The following RGSL1 variants were observed in gnomAD, a reference collection of about 807,000 sequenced individuals.
The protein encoded by RGSL1 is regulator of G protein signaling like 1, also known as regulator of G protein signaling protein-like.
In RGSL1, 97 loss-of-function variants were observed where a neutral mutation model predicts 124.7. The ratio of observed to expected loss-of-function variants is 0.78; its 90% confidence interval spans 0.66 to 0.92. The LOEUF (loss-of-function observed/expected upper bound fraction) is 0.92, where lower values mean the gene tolerates loss of function less well. Among genes scored for constraint, RGSL1 ranks in the 40% least tolerant of loss-of-function variants. The pLI is 0.00. For synonymous variants in RGSL1, 424 were observed against 438.1 expected (o/e 0.97, Z 0.40); for missense variants, 1,233 against 1,288.4 (o/e 0.96, Z 0.66).
At chr1:182,453,903 C>A (rs1440457327) in intron 1 of RGSL1, 55 bp from the exon 2 acceptor site, 3 of 950,668 alleles carry the variant, frequency 3.2e-6, no homozygotes, top group East Asian at 5.2e-5. Flanking sequence ...ATTTTCTGAA[C>A]CTGAATGCAA....
intron 9 of RGSL1, chr1:182,507,074 C>G (rs907145243): frequency 6.6e-6 from 1 of 151,424 alleles, no homozygotes; most frequent in Non-Finnish European, 1.5e-5. Context: ...ACCGCAAACT[C>G]CACCTCCCGG....
At position 182,473,838 on chromosome 1, in the gene RGSL1, C is replaced by A; in HGVS notation, c.727C>A (p.Gln243Lys). Residue 243 changes from glutamine to lysine, a missense_variant, in exon 6 of 22, where the codon CAG becomes AAG. Physicochemically the swap from Gln to Lys is moderately conservative, Grantham distance 53. Coordinates refer to ENST00000294854, the MANE Select transcript of RGSL1 (RefSeq NM_001137669.2). ...NMSIKKCHHF[Q>K]KRYSSRKAKR... ...GAGCATCAAGAAGTGCCACCACTTT[C>A]AGAAACGGTACTCAAGCAGGAAAGC... 1 of 1,551,732 alleles carries A rather than the reference C, an allele frequency of 6.4e-7. No homozygotes were observed. The highest frequency in any genetic ancestry group is 1.2e-5 in the South Asian group (1 of 84,064).
chr1:182,524,886 C>A (rs1658627307), intron 10 of RGSL1, among the ~76,000 whole-genome samples: 1 of 152,118 alleles, frequency 6.6e-6, no homozygotes, highest in Admixed American at 6.6e-5. Flanking sequence ...AAGATATTCC[C>A]AAGGGACTGT....
chr1:182,460,192 A>G, intron 4 of RGSL1, 59 bp downstream of exon 4: 2 of 1,491,136 alleles, frequency 1.3e-6, no homozygotes, highest in Non-Finnish European at 1.8e-6. Flanking sequence ...GTGTAGAAAT[A>G]TAGGAAGTCA....
At chr1:182,548,517 A>G in intron 16 of RGSL1, 62 bp downstream of exon 16, 3 of 1,543,160 alleles carry the variant, frequency 1.9e-6, no homozygotes, top group African/African-American at 1.4e-5. Flanking sequence ...CACAAGGACA[A>G]TTAGAAAGCT....
intron 19 of RGSL1, 135 bp downstream of exon 19, chr1:182,553,676 ACATAGCTT>A (rs1434575788): frequency 2.7e-6 from 2 of 734,054 alleles, no homozygotes; most frequent in East Asian, 5.6e-5. Context: ...GCTGAAGATC[ACATAGCTT>A]GTGAGTGGCA....
At chr1:182,477,885 G>A (rs755699793) in intron 6 of RGSL1, among the ~76,000 whole-genome samples, 2 of 152,046 alleles carry the variant, frequency 1.3e-5, no homozygotes, top group South Asian at 4.1e-4. Flanking sequence ...TCCGTCAAGC[G>A]TACACACACC....
chr1:182,526,668 C>T (rs1320129110), intron 10 of RGSL1, among the ~76,000 whole-genome samples: 1 of 151,934 alleles, frequency 6.6e-6, no homozygotes, highest in Non-Finnish European at 1.5e-5. Flanking sequence ...TGGAATTTAT[C>T]CTAGGAATAC....
chr1:182,530,817 A>G lies in RGSL1; in HGVS notation c.2271A>G (p.Pro757=). Residue 757 remains proline (P), a synonymous_variant, in exon 13 of 22, where the codon CCA becomes CCG. Transcript: ENST00000294854. The part of the protein sequence containing the change: ...KWFKDYQDLF[P]PHHQEVEVQS... ...TTAAAGATTATCAAGACCTGTTCCC[A>G]CCTCACCATCAGGAGGTGGAAGTGC... The G allele has an allele frequency of 6.5e-7, 1 of 1,549,768 alleles. No homozygotes were observed. The highest frequency in any genetic ancestry group is 8.7e-7 in the Non-Finnish European group (1 of 1,146,036).
intron 15 of RGSL1, among the ~76,000 whole-genome samples, chr1:182,548,025 C>T (rs1483721709): frequency 1.3e-5 from 2 of 152,108 alleles, no homozygotes; most frequent in Admixed American, 6.5e-5. Context: ...GCCTTGAAGT[C>T]ATTAGAGGTG....
chr1:182,545,103 T>C (rs187996489), intron 15 of RGSL1, among the ~76,000 whole-genome samples: 28 of 152,274 alleles, frequency 1.8e-4, no homozygotes, highest in Non-Finnish European at 3.1e-4. Flanking sequence ...ATTAAGTAAT[T>C]TTCTCTGGTA....
intron 14 of RGSL1, among the ~76,000 whole-genome samples, chr1:182,534,738 A>G (rs1171789097): frequency 6.6e-6 from 1 of 152,070 alleles, no homozygotes; most frequent in Non-Finnish European, 1.5e-5. Context: ...GAGGCCAGAG[A>G]ATCACTTGAA....
Position 182,553,576 on chromosome 1 carries a change from T to C in RGSL1, c.3130+35T>C. The C allele has an allele frequency of 2.6e-6, 4 of 1,531,150 alleles. No individual in the cohort carries two copies. The South Asian group carries it at 4.8e-5, about 18-fold the overall frequency. 94.8% of individuals were successfully genotyped at this position (1,531,150 alleles called of 1,614,324 possible). A position where few individuals can be genotyped will look rare whatever the true frequency, so the allele number is the denominator to read the frequency against. ...AATTGGATCCCCACTGATAGTTTGC[T>C]ACTCAATCAGAGGGGGACTTTAAAA... On this transcript the variant is annotated intron_variant, in intron 19 of 21. Coordinates refer to ENST00000294854, the MANE Select transcript of RGSL1 (RefSeq NM_001137669.2).
intron 15 of RGSL1, among the ~76,000 whole-genome samples, chr1:182,545,858 G>A (rs1379766085): frequency 6.6e-6 from 1 of 151,942 alleles, no homozygotes; most frequent in Non-Finnish European, 1.5e-5. Context: ...CTCTGTCCTC[G>A]ACCTTTAAGA....
In RGSL1 at chr1:182,473,628, G is replaced by A. The variant is rs201415463; in HGVS notation, c.517G>A (p.Glu173Lys). 2 of 1,551,308 alleles carry A rather than the reference G, an allele frequency of 1.3e-6. No homozygotes were observed. Among genetic ancestry groups the A allele is most frequent in the South Asian group, 1.2e-5 (1 of 83,990 alleles). The part of the protein sequence containing the change: ...WHPNQSTTRR[E>K]ILSHMQKVAL... ...TCCCAACCAATCAACCACTAGGAGG[G>A]AGATCCTGAGCCACATGCAGAAAGT... Residue 173 changes from glutamate (E) to lysine (K), a missense_variant, in exon 6 of 22, where the codon GAG (glutamate) becomes AAG (lysine). Coordinates refer to ENST00000294854, the MANE Select transcript of RGSL1 (RefSeq NM_001137669.2).
upstream of RGSL1, chr1:182,448,198 A>ATTTG (rs3030969): frequency 3.0e-3 from 457 of 149,912 alleles, 2 homozygotes; most frequent in African/African-American, 8.1e-3. Context: ...AAACCAATTT[A>ATTTG]TTTGTTTGTT....
At chr1:182,559,024 G>A (rs752361810) in intron 21 of RGSL1, among the ~76,000 whole-genome samples, 4 of 152,122 alleles carry the variant, frequency 2.6e-5, no homozygotes, top group Non-Finnish European at 5.9e-5. Context: ...TGCGATTATT[G>A]CCTCCTAGAG....
intron 4 of RGSL1, among the ~76,000 whole-genome samples, chr1:182,466,879 A>G (rs12747987): frequency 0.094 from 14,326 of 152,236 alleles, 911 homozygotes; most frequent in South Asian, 0.13. Context: ...AAAAATTTCA[A>G]AAAAGCTGCA....
At chr1:182,451,422 C>T (rs190884635) in intron 1 of RGSL1, among the ~76,000 whole-genome samples, 78 of 152,248 alleles carry the variant, frequency 5.1e-4, no homozygotes, top group African/African-American at 1.8e-3. Context: ...CCTTTCTTGG[C>T]TCACCAAGAT....
Sources: gnomAD v4.1 joint callset for allele counts (sites outside exome capture counted in the v4.1 genomes callset) on GRCh38, gnomAD v4.1.1 for gene constraint, MANE v1.5 for transcripts, NCBI Gene and HGNC (gene_info 2026-07-23, HGNC 2026-07-21) for gene names.